Variants in TBC1D31 observed in about 807,000 individuals in gnomAD.
The protein encoded by TBC1D31 is TBC1 domain family member 31.
Under a neutral mutation model 132.9 loss-of-function variants are expected in TBC1D31, and 99 were observed. The observed-to-expected ratio is 0.74, with a 90% confidence interval of 0.63 to 0.88. The LOEUF (loss-of-function observed/expected upper bound fraction) is 0.88. Ranked by LOEUF, TBC1D31 falls within the 40% of genes least tolerant of loss-of-function variation. The probability of loss-of-function intolerance (pLI) is 0.00; values close to 1 mark genes in which losing one functional copy is unlikely to be tolerated. For synonymous variants in TBC1D31, 385 were observed against 419.4 expected (o/e 0.92, Z 1.00); for missense variants, 1,134 against 1,256.6 (o/e 0.90, Z 1.48).
chr8:123,099,280 C>T lies in TBC1D31; in HGVS notation c.832-1527C>T, dbSNP rs186011693. On this transcript the variant is annotated intron_variant, in intron 6 of 21. Transcript: ENST00000287380. ...GACTATAGGCGCCTGCCACCACGCC[C>T]GGCTAATTTTTTGTATTTTTTAGTA... Among the ~76,000 whole-genome samples the T allele has an allele frequency of 4.3e-3, 659 of 152,052 alleles. 2 individuals carry two copies. The highest frequency in any genetic ancestry group is 0.013 in the African/African-American group (557 of 41,464).
intron 5 of TBC1D31, among the ~76,000 whole-genome samples, chr8:123,094,889 A>T (rs562759207): frequency 6.6e-6 from 1 of 152,322 alleles, no homozygotes; most frequent in African/African-American, 2.4e-5. Context: ...ATATTGTCAT[A>T]TATCTAGTTA....
At chr8:123,145,871 C>CTTTTTTTTT (rs57816964) in intron 20 of TBC1D31, among the ~76,000 whole-genome samples, 2 of 133,516 alleles carry the variant, frequency 1.5e-5, no homozygotes. Flanking sequence ...TTCTCTTTTT[C>CTTTTTTTTT]TTTTTTTTTT....
downstream of TBC1D31, among the ~76,000 whole-genome samples, chr8:123,154,288 G>A (rs1487113289): frequency 1.3e-5 from 2 of 152,190 alleles, no homozygotes; most frequent in African/African-American, 4.8e-5. Flanking sequence ...AACTATGATG[G>A]GAGCAACTAT....
chr8:123,084,348 AGG>A lies in TBC1D31; in HGVS notation c.519+12_519+13del, dbSNP rs751336230. The A allele has an allele frequency of 3.7e-6, 6 of 1,613,490 alleles. No homozygotes were observed. Among genetic ancestry groups the A allele is most frequent in the Non-Finnish European group, 5.1e-6 (6 of 1,179,648 alleles). Reference sequence around the variant, plus strand: ...TCTGTGGGTATACAGAAGGTCAGTGAGGGGGTACATCTTGGTCTGTTGTGCTT... The same window carrying A: ...TCTGTGGGTATACAGAAGGTCAGTGAGGGTACATCTTGGTCTGTTGTGCTT... On this transcript the variant is annotated intron_variant, in intron 4 of 21. Transcript: ENST00000287380.
intron 7 of TBC1D31, chr8:123,102,531 C>G (rs1817542248): frequency 3.5e-6 from 1 of 283,076 alleles, no homozygotes; most frequent in Non-Finnish European, 6.9e-6. Flanking sequence ...TTATATGTTC[C>G]CAATTTCTTT....
chr8:123,159,280 AAAAG>A, the TBC1D31 span, among the ~76,000 whole-genome samples: 11 of 121,236 alleles, frequency 9.1e-5, no homozygotes, highest in Middle Eastern at 7.6e-3. Context: ...AAAAAAAAAA[AAAAG>A]AAAAAGAAAA....
the TBC1D31 span, among the ~76,000 whole-genome samples, chr8:123,164,282 G>C: frequency 6.6e-6 from 1 of 152,232 alleles, no homozygotes; most frequent in African/African-American, 2.4e-5. Flanking sequence ...CACATTTAAG[G>C]CCCCTGCTCT....
At chr8:123,096,416 G>A (rs1816845587) in intron 5 of TBC1D31, among the ~76,000 whole-genome samples, 1 of 152,170 alleles carries the variant, frequency 6.6e-6, no homozygotes, top group African/African-American at 2.4e-5. Flanking sequence ...AGCCAGTCTG[G>A]AATACTGATC....
chr8:123,137,920 T>A (rs967495286), intron 17 of TBC1D31, among the ~76,000 whole-genome samples: 2 of 152,224 alleles, frequency 1.3e-5, no homozygotes, highest in Non-Finnish European at 2.9e-5. Context: ...TTGCACAGTG[T>A]CTGATGTATG....
intron 6 of TBC1D31, among the ~76,000 whole-genome samples, chr8:123,100,163 G>A (rs114682817): frequency 2.2e-3 from 335 of 152,254 alleles, no homozygotes; most frequent in African/African-American, 7.1e-3. Flanking sequence ...TGATCTGCCT[G>A]TGGGAAGGGA....
intron 10 of TBC1D31, among the ~76,000 whole-genome samples, chr8:123,110,706 A>G (rs543615151): frequency 6.8e-6 from 1 of 146,904 alleles, no homozygotes; most frequent in East Asian, 2.0e-4. Flanking sequence ...TCCCTAAAGG[A>G]TAAGGACTCT....
chr8:123,147,773 A>G (rs988862981), intron 20 of TBC1D31, among the ~76,000 whole-genome samples: 1 of 152,214 alleles, frequency 6.6e-6, no homozygotes. Flanking sequence ...ATCAGGGTAT[A>G]TAGATTTAAT....
At chr8:123,151,692 T>C (rs770974529) in intron 21 of TBC1D31, 114 bp from the exon 22 acceptor site, 8 of 1,127,314 alleles carry the variant, frequency 7.1e-6, no homozygotes, top group Non-Finnish European at 9.5e-6. Flanking sequence ...ATTTAGGTTT[T>C]AGAATTGCAT....
At chr8:123,155,602 A>G (rs951110234), downstream of TBC1D31, among the ~76,000 whole-genome samples, 11 of 152,180 alleles carry the variant, frequency 7.2e-5, no homozygotes, top group Non-Finnish European at 1.3e-4. The surrounding 1 kb of genome is among the most constrained non-coding windows in gnomAD (Gnocchi z 4.1). Context: ...AGTCATCACC[A>G]TGGAGAGTCA....
intron 4 of TBC1D31, among the ~76,000 whole-genome samples, chr8:123,092,417 G>A (rs547845846): frequency 7.2e-5 from 11 of 152,066 alleles, no homozygotes; most frequent in South Asian, 6.2e-4. Context: ...TACTCCCAGC[G>A]GCAGTGTATG....
chr8:123,162,058 A>G, the TBC1D31 span, among the ~76,000 whole-genome samples: 1 of 150,830 alleles, frequency 6.6e-6, no homozygotes, highest in East Asian at 1.9e-4. Context: ...TGACATCTAT[A>G]TATGCTATGG....
At chr8:123,165,129 T>C in the TBC1D31 span, among the ~76,000 whole-genome samples, 2 of 152,332 alleles carry the variant, frequency 1.3e-5, no homozygotes, top group Admixed American at 1.3e-4. Flanking sequence ...ACCTTCAACC[T>C]AGCCTCCAGC....
chr8:123,105,957 C>T (rs192318325), intron 8 of TBC1D31, among the ~76,000 whole-genome samples: 1 of 152,042 alleles, frequency 6.6e-6, no homozygotes, highest in Admixed American at 6.5e-5. Context: ...AATAACTACT[C>T]GACTGATACA....
At chr8:123,107,513 G>A (rs1336101010) in intron 8 of TBC1D31, among the ~76,000 whole-genome samples, 2 of 152,154 alleles carry the variant, frequency 1.3e-5, no homozygotes. Flanking sequence ...CACAAGCCTA[G>A]CCTAGTTGTG....
Sources: allele counts gnomAD v4.1 joint callset (sites outside exome capture counted in the v4.1 genomes callset), GRCh38; gene constraint gnomAD v4.1.1; non-coding constraint Gnocchi (gnomAD v3.1); transcripts MANE v1.5; gene names NCBI Gene and HGNC (gene_info 2026-07-23, HGNC 2026-07-21).